PHTF2: variants seen among roughly 807,000 people sequenced by gnomAD.
PHTF2 encodes the protein putative homeodomain transcription factor 2.
PHTF2 carries 60 observed loss-of-function variants against 101.2 expected under a neutral mutation model. The ratio of observed to expected loss-of-function variants is 0.59; its 90% confidence interval spans 0.48 to 0.73. The LOEUF (loss-of-function observed/expected upper bound fraction) is 0.73. PHTF2 is among the 30% of genes least tolerant of loss of function. The pLI, the probability that PHTF2 is intolerant of heterozygous loss-of-function variation, is 0.00. For synonymous variants in PHTF2, 311 were observed against 307.3 expected (o/e 1.01, Z -0.13); for missense variants, 747 against 908.7 (o/e 0.82, Z 2.29).
rs17158674 is a variant in PHTF2 at position 77,842,063 on chromosome 7, C to T, written c.45+1763C>T. On this transcript the variant is annotated intron_variant, in intron 2 of 19. Coordinates refer to ENST00000416283, the Ensembl canonical transcript of PHTF2. Reference sequence around the variant, plus strand: ...CAGTTAGCCCTGTAACTGAAGTTAGCCCTGTAATTGAAATGACCCTCTTAT... The same window carrying T: ...CAGTTAGCCCTGTAACTGAAGTTAGTCCTGTAATTGAAATGACCCTCTTAT... Among the ~76,000 whole-genome samples the T allele has an allele frequency of 5.6e-3, 851 of 152,218 alleles. 8 individuals are homozygous for T. The highest frequency in any genetic ancestry group is 0.019 in the African/African-American group (806 of 41,508).
intron 3 of PHTF2, among the ~76,000 whole-genome samples, chr7:77,882,186 A>C (rs544951897): frequency 6.6e-6 from 1 of 152,280 alleles, no homozygotes; most frequent in Non-Finnish European, 1.5e-5. Context: ...TTTATTACTC[A>C]TAATGAATGG....
At chr7:77,910,585 T>C (rs1802294114) in intron 9 of PHTF2, among the ~76,000 whole-genome samples, 176 bp downstream of exon 8, 1 of 152,230 alleles carries the variant, frequency 6.6e-6, no homozygotes, top group African/African-American at 2.4e-5. Flanking sequence ...AAACTTTATT[T>C]GGCTCATGTG....
chr7:77,864,540 C>A (rs905608418), intron 3 of PHTF2, among the ~76,000 whole-genome samples: 10 of 152,222 alleles, frequency 6.6e-5, no homozygotes, highest in African/African-American at 2.2e-4. Context: ...CTAACACCAT[C>A]CCTCCAAATA....
chr7:77,841,074 A>ATTTTTTTTTTTTTT (rs1562863302), intron 2 of PHTF2, among the ~76,000 whole-genome samples: 13 of 51,408 alleles, frequency 2.5e-4, no homozygotes, highest in African/African-American at 5.5e-4. Flanking sequence ...GAAAAAACAG[A>ATTTTTTTTTTTTTT]CTTTTTTTTT....
intron 1 of PHTF2, among the ~76,000 whole-genome samples, chr7:77,836,364 C>T (rs904410232): frequency 2.0e-5 from 3 of 152,038 alleles, no homozygotes; most frequent in South Asian, 2.1e-4. Flanking sequence ...CACATGTAAG[C>T]GGACCAGCGC....
At chr7:77,953,742 G>C in intron 18 of PHTF2, 27 bp from the exon 18 acceptor site, 1 of 1,596,794 alleles carries the variant, frequency 6.3e-7, no homozygotes, top group Non-Finnish European at 8.5e-7. Context: ...TTGAATCTGG[G>C]ACTGACTTTT....
At chr7:77,802,160 G>A (rs1349418634) in intron 1 of PHTF2, among the ~76,000 whole-genome samples, 1 of 152,150 alleles carries the variant, frequency 6.6e-6, no homozygotes, top group African/African-American at 2.4e-5. Context: ...CAGAAATATG[G>A]ATTGTTTAGG....
At chr7:77,920,524 G>C in intron 10 of PHTF2, 59 bp downstream of exon 9, 1 of 1,291,802 alleles carries the variant, frequency 7.7e-7, no homozygotes, top group South Asian at 1.2e-5. Context: ...AATGTAAAGT[G>C]ACTTAGATAT....
intron 17 of PHTF2, 35 bp downstream of exon 16, chr7:77,949,868 G>T: frequency 9.0e-7 from 1 of 1,106,016 alleles, no homozygotes. Flanking sequence ...ACAAATTAAT[G>T]TCTATAAGTT....
chr7:77,922,939 GT>G, intron 11 of PHTF2, 161 bp downstream of exon 10: 3 of 1,359,976 alleles, frequency 2.2e-6, no homozygotes, highest in Non-Finnish European at 2.8e-6. Flanking sequence ...GCAGTTTTAG[GT>G]TTACGTATTG....
chr7:77,923,390 T>C, intron 11 of PHTF2: 2 of 978,384 alleles, frequency 2.0e-6, no homozygotes. Flanking sequence ...TTTATAAACA[T>C]TACCTTCTAC....
At chr7:77,840,109 G>A (rs1472182745) in intron 1 of PHTF2, 112 bp from the exon 2 acceptor site, 12 of 531,890 alleles carry the variant, frequency 2.3e-5, no homozygotes, top group Admixed American at 6.5e-5. Context: ...TATAAGTCTC[G>A]TCATACACCC....
intron 12 of PHTF2, among the ~76,000 whole-genome samples, chr7:77,934,117 G>GT (rs550083679): frequency 1.3e-5 from 2 of 151,870 alleles, no homozygotes; most frequent in Non-Finnish European, 2.9e-5. Context: ...AAAGCTACTA[G>GT]TTTTTTTTCT....
At chr7:77,809,424 A>G (rs1255229874) in intron 1 of PHTF2, among the ~76,000 whole-genome samples, 1 of 151,770 alleles carries the variant, frequency 6.6e-6, no homozygotes, top group Admixed American at 6.6e-5. Flanking sequence ...ATGGGGTTTC[A>G]CCATGTTGAC....
intron 3 of PHTF2, among the ~76,000 whole-genome samples, chr7:77,880,887 G>A (rs576816640): frequency 4.6e-5 from 7 of 152,230 alleles, no homozygotes; most frequent in South Asian, 2.1e-4. Context: ...TTTAAATTCC[G>A]CTCCTGATCC....
At chr7:77,902,015 T>C (rs1801437432) in intron 7 of PHTF2, 95 bp downstream of exon 6, 1 of 558,402 alleles carries the variant, frequency 1.8e-6, no homozygotes. Flanking sequence ...TACTACTGAG[T>C]ATGATGTATA....
intron 2 of PHTF2, among the ~76,000 whole-genome samples, chr7:77,840,707 ACT>A (rs1171722580): frequency 6.6e-6 from 1 of 151,866 alleles, no homozygotes; most frequent in African/African-American, 2.4e-5. Context: ...AGTTTTGGGA[ACT>A]CTATTTTACA....
chr7:77,951,647 C>T (rs1806556361), exon 18 of PHTF2: 2 of 1,464,336 alleles, frequency 1.4e-6, no homozygotes, highest in Non-Finnish European at 1.8e-6. Flanking sequence ...GGAGAAAAAA[C>T]CTAACAAAAA....
At chr7:77,846,764 TC>T (rs1190138772) in intron 2 of PHTF2, among the ~76,000 whole-genome samples, 1 of 151,904 alleles carries the variant, frequency 6.6e-6, no homozygotes, top group Non-Finnish European at 1.5e-5. Context: ...TGCTCAGCCT[TC>T]CGAGTAGCTG....
Sources: allele counts gnomAD v4.1 joint callset (sites outside exome capture counted in the v4.1 genomes callset), GRCh38; gene constraint gnomAD v4.1.1; transcripts MANE v1.5; gene names NCBI Gene and HGNC (gene_info 2026-07-23, HGNC 2026-07-21).